Variants in SEC22C observed in about 807,000 individuals in gnomAD.
SEC22C encodes the protein SEC22 homolog C, vesicle trafficking protein.
Under a neutral mutation model 34.7 loss-of-function variants are expected in SEC22C, and 29 were observed. That is an observed-to-expected ratio of 0.84 (90% CI 0.62 to 1.14). The LOEUF is 1.14. SEC22C is among the 50% of genes most tolerant of loss of function. The pLI is 0.00. For missense variants in SEC22C, 337 were observed against 369.0 expected (o/e 0.91, Z 0.71); for synonymous variants, 117 against 132.8 (o/e 0.88, Z 0.82).
At chr3:42,566,947 G>C in intron 2 of SEC22C, 1 of 196,888 alleles carries the variant, frequency 5.1e-6, no homozygotes. Context: ...TCTGGAGACA[G>C]AGTTCCAGCT....
In SEC22C at chr3:42,548,892, A is replaced by G; in HGVS notation, c.*4356T>C. On this transcript the variant is annotated 3_prime_UTR_variant, in exon 7 of 7. Coordinates refer to ENST00000264454, the MANE Select transcript of SEC22C (RefSeq NM_032970.4). ...ATGTAAAGCCTTTCTCCTCCCACAC[A>G]CAATGGACTCACCCAGTATTACCCT... The G allele has an allele frequency of 7.3e-7, 1 of 1,364,550 alleles. No homozygotes were observed. Among genetic ancestry groups the G allele is most frequent in the South Asian group, 1.8e-5 (1 of 55,864 alleles). 84.5% of individuals were successfully genotyped at this position (1,364,550 alleles called of 1,614,324 possible). A position where few individuals can be genotyped will look rare whatever the true frequency, so the allele number is the denominator to read the frequency against.
rs1430159235 is a variant in SEC22C at position 42,591,159 on chromosome 3, C to T, written c.-28+9801G>A. ...GCAGGACCCCGGCATGGGGTTCGGTCCCCCGCCGTCCAGACGTCACACTGC... is the reference window on the plus strand; with the variant it reads ...GCAGGACCCCGGCATGGGGTTCGGTTCCCCGCCGTCCAGACGTCACACTGC... On this transcript the variant is annotated intron_variant, in intron 1 of 6. Transcript: ENST00000417572. 4.7e-6 allele frequency: 3 copies of T among 639,316 alleles called. No homozygotes were observed. In the Admixed American group the frequency reaches 7.7e-5, roughly 16 times the overall value. 39.6% of individuals were successfully genotyped at this position (639,316 alleles called of 1,614,324 possible). A position where few individuals can be genotyped will look rare whatever the true frequency, so the allele number is the denominator to read the frequency against.
chr3:42,591,581 C>T lies in SEC22C; in HGVS notation c.-28+9379G>A, dbSNP rs754400871. 1.9e-6 allele frequency: 3 copies of T among 1,613,724 alleles called. No homozygotes were observed. In the South Asian group the frequency reaches 3.3e-5, roughly 18 times the overall value. ...GTATTGTGGAGTATCAGAACAAGGGCCGCGGGAACGAGTGCGTGCAGTAAG... is the reference window on the plus strand; with the variant it reads ...GTATTGTGGAGTATCAGAACAAGGGTCGCGGGAACGAGTGCGTGCAGTAAG... On this transcript the variant is annotated intron_variant, in intron 1 of 6. Coordinates refer to the SEC22C transcript ENST00000417572.
chr3:42,591,403 C>T, intron 1 of SEC22C: 1 of 712,892 alleles, frequency 1.4e-6, no homozygotes, highest in Non-Finnish European at 2.5e-6. Flanking sequence ...CCATGTTGGC[C>T]AGGCTAGTCT....
chr3:42,556,507 CAA>C (rs1296627395), intron 5 of SEC22C, among the ~76,000 whole-genome samples: 1 of 152,180 alleles, frequency 6.6e-6, no homozygotes, highest in Non-Finnish European at 1.5e-5. Flanking sequence ...ACACATTGAT[CAA>C]AGACAGGATG....
At chr3:42,561,092 C>T (rs200613539) in intron 4 of SEC22C, 25 bp downstream of exon 4, 471 of 1,601,838 alleles carry the variant, frequency 2.9e-4, no homozygotes, top group Non-Finnish European at 3.9e-4. Context: ...ACTTCATCAA[C>T]ATCAGGGAAC....
intron 6 of SEC22C, among the ~76,000 whole-genome samples, chr3:42,554,889 T>C (rs1458086439): frequency 5.9e-5 from 9 of 152,010 alleles, no homozygotes; most frequent in Non-Finnish European, 1.2e-4. Context: ...TATATGAAAA[T>C]AACTAATCAA....
chr3:42,557,789 T>C (rs899208782), intron 4 of SEC22C, 93 bp from the exon 5 acceptor site: 3 of 626,702 alleles, frequency 4.8e-6, no homozygotes, highest in East Asian at 2.7e-5. Flanking sequence ...ACACTAATGA[T>C]AGGTTCACTA....
At chr3:42,584,040 A>G (rs1022550898), upstream of SEC22C, among the ~76,000 whole-genome samples, 1 of 152,172 alleles carries the variant, frequency 6.6e-6, no homozygotes, top group African/African-American at 2.4e-5. Flanking sequence ...CTGGTTCTCC[A>G]GCTTGTAGAT....
intron 1 of SEC22C, chr3:42,590,693 C>T (rs1435966916): frequency 2.1e-5 from 13 of 627,870 alleles, no homozygotes; most frequent in Non-Finnish European, 3.4e-5. Context: ...ACTGCGCAAG[C>T]GCAAAGGATA....
chr3:42,596,404 A>G (rs954991908), intron 1 of SEC22C, among the ~76,000 whole-genome samples: 2 of 152,178 alleles, frequency 1.3e-5, no homozygotes, highest in East Asian at 1.9e-4. Flanking sequence ...TATCCCCTGA[A>G]GTTCTAATTG....
At chr3:42,568,517 G>C (rs1219759422) in intron 2 of SEC22C, among the ~76,000 whole-genome samples, 2 of 152,036 alleles carry the variant, frequency 1.3e-5, no homozygotes, top group East Asian at 3.9e-4. Context: ...ATCGTGGCAT[G>C]TGCCTATGAT....
At position 42,563,856 on chromosome 3, in the gene SEC22C, C is replaced by A. The variant is rs144715085; in HGVS notation, c.183-170G>T. 4.5e-4 allele frequency: 672 copies of A among 1,502,342 alleles called. 3 individuals are homozygous for A. In the East Asian group the frequency reaches 0.017, roughly 38 times the overall value. 93.1% of individuals were successfully genotyped at this position (1,502,342 alleles called of 1,614,324 possible). A position where few individuals can be genotyped will look rare whatever the true frequency, so the allele number is the denominator to read the frequency against. On this transcript the variant is annotated intron_variant, in intron 2 of 6. Coordinates refer to ENST00000264454, the MANE Select transcript of SEC22C (RefSeq NM_032970.4). The stretch of plus-strand genomic sequence containing the variant: ...CAGTTCGACCTATTCCTGAGACTGT[C>A]TTTCTTCCGCTTCCTTTAAAATGTC...
intron 3 of SEC22C, among the ~76,000 whole-genome samples, chr3:42,561,570 G>A (rs1489775395): frequency 6.6e-6 from 1 of 151,950 alleles, no homozygotes; most frequent in African/African-American, 2.4e-5. Flanking sequence ...TTGTTTTTCT[G>A]TAGAGACAAG....
At position 42,548,977 on chromosome 3, in the gene SEC22C, A is replaced by G; in HGVS notation, c.*4271T>C. ...GGCGGGGGGGCAGATTGATGTTATCACCATTTACCAGATGAGGAAACTGAG... is the reference window on the plus strand; with the variant it reads ...GGCGGGGGGGCAGATTGATGTTATCGCCATTTACCAGATGAGGAAACTGAG... On this transcript the variant is annotated 3_prime_UTR_variant, in exon 7 of 7. Coordinates refer to ENST00000264454, the MANE Select transcript of SEC22C (RefSeq NM_032970.4). 1 of 1,106,558 alleles carries G rather than the reference A, an allele frequency of 9.0e-7. No individual in the cohort carries two copies. The allele number at this position is 1,106,558 out of a possible 1,614,324, so 68.5% of individuals were successfully genotyped here.
rs116919996 is a variant in SEC22C, at chr3:42,593,815, T to C, written c.-28+7145A>G. 5.0e-3 allele frequency among the ~76,000 whole-genome samples: 766 copies of C among 152,240 alleles called. 24 individuals carry two copies. In the East Asian group the frequency reaches 0.09, roughly 18 times the overall value. ...ATAAGGTGATATTTGAGTAGAGACCTGGGGTAAGGGAGCCAGCTATGCAGT... is the reference window on the plus strand; with the variant it reads ...ATAAGGTGATATTTGAGTAGAGACCCGGGGTAAGGGAGCCAGCTATGCAGT... On this transcript the variant is annotated intron_variant, in intron 1 of 6. Coordinates refer to the SEC22C transcript ENST00000417572.
chr3:42,597,672 G>A (rs1705068612), intron 1 of SEC22C, among the ~76,000 whole-genome samples: 1 of 152,024 alleles, frequency 6.6e-6, no homozygotes, highest in Non-Finnish European at 1.5e-5. Context: ...TTTGGGTGCA[G>A]CCCAACACAA....
In SEC22C at chr3:42,552,698, C is replaced by T; in HGVS notation, c.*550G>A. On this transcript the variant is annotated 3_prime_UTR_variant, in exon 7 of 7. Transcript: ENST00000264454. ...TATATCCAAAATATAATTAAATATTCCAAAGGTATATCGAACCTAAGATAT... is the reference window on the plus strand; with the variant it reads ...TATATCCAAAATATAATTAAATATTTCAAAGGTATATCGAACCTAAGATAT... The T allele has an allele frequency of 1.0e-6, 1 of 979,918 alleles. No individual in the cohort carries two copies. Among genetic ancestry groups the T allele is most frequent in the South Asian group, 4.7e-5 (1 of 21,142 alleles). The allele number at this position is 979,918 out of a possible 1,614,324, so 60.7% of individuals were successfully genotyped here.
At chr3:42,600,791 C>A (rs1705310040) in intron 1 of SEC22C, 2 of 384,610 alleles carry the variant, frequency 5.2e-6, no homozygotes, top group Admixed American at 9.4e-5. Flanking sequence ...GAAGAGCTCG[C>A]CCGCATGCGT....
Sources: gnomAD v4.1 joint callset for allele counts (sites outside exome capture counted in the v4.1 genomes callset) on GRCh38, gnomAD v4.1.1 for gene constraint, MANE v1.5 for transcripts, NCBI Gene and HGNC (gene_info 2026-07-23, HGNC 2026-07-21) for gene names.